Variants in ACSM3 observed in about 807,000 individuals in gnomAD.
The protein encoded by ACSM3 is acyl-coenzyme A synthetase ACSM3, mitochondrial.
A neutral mutation model predicts 74.1 loss-of-function variants in ACSM3; 61 were observed. The ratio of observed to expected loss-of-function variants is 0.82; its 90% CI spans 0.67 to 1.02. The LOEUF is 1.02. ACSM3 is among the 50% of genes least tolerant of loss of function. The probability of loss-of-function intolerance (pLI) is 0.00; values close to 1 mark genes in which losing one functional copy is unlikely to be tolerated. For missense variants in ACSM3, 660 were observed against 697.0 expected (o/e 0.95, Z 0.60); for synonymous variants, 213 against 241.5 (o/e 0.88, Z 1.09).
chr16:20,754,221 CAG>C (rs1250987433), intron 2 of ACSM3, among the ~76,000 whole-genome samples: 3 of 152,212 alleles, frequency 2.0e-5, no homozygotes, highest in African/African-American at 4.8e-5. Flanking sequence ...TTTAGAGAAA[CAG>C]GGGAAGGAGT....
rs57286237 is a variant in ACSM3 at position 20,705,964 on chromosome 16, G to A, written c.-190+31142G>A. ...AAAAATGAACTTAATGGACCTTATA[G>A]CATATTGGAGATCTAAGAAATTTAG... On this transcript the variant is annotated intron_variant, in intron 1 of 3. Coordinates refer to the ACSM3 transcript ENST00000561584. Among the ~76,000 whole-genome samples the A allele has an allele frequency of 9.6e-3, 1,461 of 152,216 alleles. 19 individuals are homozygous for A. Among genetic ancestry groups the A allele is most frequent in the East Asian group, 0.066 (340 of 5,188 alleles).
rs71842093 is a variant in ACSM3 at position 20,685,819 on chromosome 16, C to CAAAAAA, written c.-190+11004_-190+11009dup. Among the ~76,000 whole-genome samples, 167 of 50,116 alleles carry CAAAAAA rather than the reference C, an allele frequency of 3.3e-3. 32 individuals are homozygous for CAAAAAA. The highest frequency in any genetic ancestry group is 4.1e-3 in the Non-Finnish European group (126 of 30,826). The allele number at this position is 50,116 out of a possible 152,430, so 32.9% of individuals were successfully genotyped here. A position where few individuals can be genotyped will look rare whatever the true frequency, so the allele number is the denominator to read the frequency against. ...TGGATGACACAGTGAGACTCCGTCT[C>CAAAAAA]AAAAAAAAAAAACAAACAAAAAAAA... On this transcript the variant is annotated intron_variant, in intron 1 of 3. Coordinates refer to the ACSM3 transcript ENST00000561584.
At chr16:20,686,472 G>A (rs2079556000) in intron 1 of ACSM3, among the ~76,000 whole-genome samples, 1 of 152,062 alleles carries the variant, frequency 6.6e-6, no homozygotes, top group South Asian at 2.1e-4. Context: ...CCAGTCTGAC[G>A]GGTCAGGGGC....
rs542203778 is a variant in ACSM3 at position 20,780,863 on chromosome 16, C to A, written c.782+6C>A. 2.5e-6 allele frequency: 4 copies of A among 1,614,182 alleles called. No individual in the cohort carries two copies. The African/African-American group carries it at 4.0e-5, about 16-fold the overall frequency. On this transcript the variant is annotated splice_donor_region_variant and intron_variant, in intron 5 of 13. Coordinates refer to ENST00000289416, the MANE Select transcript of ACSM3 (RefSeq NM_005622.4). ...GGATTATCTGTAAATGGAAGGTATA[C>A]TTTCACAAAAGTGCAGCTTGAAGTG...
intron 1 of ACSM3, chr16:20,702,721 T>C (rs2152360493): frequency 6.6e-6 from 1 of 152,380 alleles, no homozygotes; most frequent in African/African-American, 2.4e-5. Flanking sequence ...TAGCCATTTG[T>C]CGGATGGGTA....
At chr16:20,744,359 C>T (rs1041685133) in intron 1 of ACSM3, among the ~76,000 whole-genome samples, 1 of 152,202 alleles carries the variant, frequency 6.6e-6, no homozygotes, top group Admixed American at 6.5e-5. Context: ...CAACCACTCA[C>T]AGGTGGCTGA....
upstream of ACSM3, among the ~76,000 whole-genome samples, chr16:20,759,489 G>C (rs950700425): frequency 2.0e-5 from 3 of 151,472 alleles, no homozygotes; most frequent in African/African-American, 7.3e-5. Flanking sequence ...AAACCTGGGA[G>C]GTGGAGCTTG....
Position 20,780,796 on chromosome 16 carries a change from T to C in ACSM3, c.721T>C (p.Tyr241His). ...ATTCTTTACCAGTGGAACAAGTGGA[T>C]ATCCGAAAATGACTGCACACACCCA... The part of the protein sequence containing the change: ...AIFFTSGTSG[Y>H]PKMTAHTHSS... Residue 241 changes from tyrosine to histidine, a missense_variant, in exon 5 of 14, where the codon TAT becomes CAT. Physicochemically the swap from Tyr to His is moderately conservative, Grantham distance 83. Transcript: ENST00000289416. 1 of 1,614,238 alleles carries C rather than the reference T, an allele frequency of 6.2e-7. No individual in the cohort carries two copies. The highest frequency in any genetic ancestry group is 8.5e-7 in the Non-Finnish European group (1 of 1,180,030).
At chr16:20,727,439 A>G (rs2079810572) in intron 1 of ACSM3, 1 of 523,792 alleles carries the variant, frequency 1.9e-6, no homozygotes, top group African/African-American at 2.0e-5. Flanking sequence ...GGCTGGAGCT[A>G]CATGAGAGCT....
Position 20,685,819 on chromosome 16 carries a change from C to CAAAAAAAAAAA in ACSM3, c.-190+10999_-190+11009dup, listed in dbSNP as rs71842093. 2.4e-4 allele frequency among the ~76,000 whole-genome samples: 12 copies of CAAAAAAAAAAA among 50,164 alleles called. 2 individuals are homozygous for CAAAAAAAAAAA. Among genetic ancestry groups the CAAAAAAAAAAA allele is most frequent in the Non-Finnish European group, 3.2e-4 (10 of 30,844 alleles). The allele number at this position is 50,164 out of a possible 152,430, so 32.9% of individuals were successfully genotyped here. On this transcript the variant is annotated intron_variant, in intron 1 of 3. Coordinates refer to the ACSM3 transcript ENST00000561584. ...TGGATGACACAGTGAGACTCCGTCT[C>CAAAAAAAAAAA]AAAAAAAAAAAACAAACAAAAAAAA... is the stretch of plus-strand genomic sequence containing the variant.
At chr16:20,791,538 T>A (rs2080597067) in intron 10 of ACSM3, among the ~76,000 whole-genome samples, 1 of 152,256 alleles carries the variant, frequency 6.6e-6, no homozygotes, top group African/African-American at 2.4e-5. Flanking sequence ...GCTAGCTCCA[T>A]GCTGGAATTT....
At chr16:20,796,174 G>T in intron 12 of ACSM3, 196 bp from the exon 13 acceptor site, 1 of 873,220 alleles carries the variant, frequency 1.1e-6, no homozygotes, top group Non-Finnish European at 1.6e-6. Flanking sequence ...GTTGTTACAG[G>T]GGTCCCAGAA....
intron 1 of ACSM3, among the ~76,000 whole-genome samples, chr16:20,709,457 T>C (rs1189147872): frequency 1.3e-5 from 2 of 152,216 alleles, no homozygotes; most frequent in African/African-American, 2.4e-5. Flanking sequence ...GTAAAGTGTA[T>C]GCAGTAAAGC....
At position 20,790,916 on chromosome 16, in the gene ACSM3, G is replaced by C. The variant is rs200112703; in HGVS notation, c.1326+228G>C. On this transcript the variant is annotated intron_variant, in intron 10 of 13. Transcript: ENST00000289416. The surrounding 1 kb of genome is among the most constrained non-coding windows in gnomAD (Gnocchi z 4.0). ...CAGATCACTGTTCCAGGTCCACGAAGGCAAGAGGAAGGGACCCTAGAAAGA... is the reference window on the plus strand; with the variant it reads ...CAGATCACTGTTCCAGGTCCACGAACGCAAGAGGAAGGGACCCTAGAAAGA... 3.7e-6 allele frequency: 6 copies of C among 1,614,040 alleles called. No individual in the cohort carries two copies. The highest frequency in any genetic ancestry group is 4.2e-6 in the Non-Finnish European group (5 of 1,179,960).
rs1567368667 is a variant in ACSM3, at chr16:20,796,985, A to C, written c.*13A>C. 6.2e-7 allele frequency: 1 copy of C among 1,610,508 alleles called. No individual in the cohort carries two copies. The highest frequency in any genetic ancestry group is 2.2e-5 in the East Asian group (1 of 44,664). ...GAAGACAATTTAAAGTTGTTTCATT[A>C]ATTACCATATCTATAAAACAAACAT... On this transcript the variant is annotated 3_prime_UTR_variant, in exon 14 of 14. Transcript: ENST00000289416.
intron 1 of ACSM3, chr16:20,729,264 G>A: frequency 8.3e-7 from 1 of 1,199,490 alleles, no homozygotes; most frequent in Non-Finnish European, 1.2e-6. Context: ...ACGGTAAGGG[G>A]AGATTTTTAT....
intron 1 of ACSM3, among the ~76,000 whole-genome samples, chr16:20,740,257 A>G (rs2152421012): frequency 6.6e-6 from 1 of 152,310 alleles, no homozygotes; most frequent in Admixed American, 6.5e-5. Flanking sequence ...TTAGTCGGGC[A>G]TGGTGGCACA....
intron 1 of ACSM3, chr16:20,738,829 G>C: frequency 6.4e-7 from 1 of 1,553,948 alleles, no homozygotes. Flanking sequence ...TTTGTAAGCA[G>C]TATTCCCTGA....
At chr16:20,774,689 G>A (rs193014537) in intron 2 of ACSM3, among the ~76,000 whole-genome samples, 15 of 152,164 alleles carry the variant, frequency 9.9e-5, no homozygotes, top group African/African-American at 3.6e-4. Context: ...GTTATTGATA[G>A]GTGTTATTTT....
Sources: allele counts gnomAD v4.1 joint callset (sites outside exome capture counted in the v4.1 genomes callset), GRCh38; gene constraint gnomAD v4.1.1; non-coding constraint Gnocchi (gnomAD v3.1); transcripts MANE v1.5; gene names NCBI Gene and HGNC (gene_info 2026-07-23, HGNC 2026-07-21).